Variants in PIK3CB observed in about 807,000 individuals in gnomAD.
The protein encoded by PIK3CB is phosphatidylinositol-4,5-bisphosphate 3-kinase catalytic subunit beta.
Under a neutral mutation model 136.8 loss-of-function variants are expected in PIK3CB, and 39 were observed. The ratio of observed to expected loss-of-function variants is 0.29; its 90% CI spans 0.22 to 0.37. The LOEUF (loss-of-function observed/expected upper bound fraction) is 0.37. Ranked by LOEUF, PIK3CB falls within the 10% of genes least tolerant of loss-of-function variation. The pLI is 1.00. For missense variants in PIK3CB, 868 were observed against 1,275.4 expected (o/e 0.68, Z 4.87); for synonymous variants, 428 against 436.6 (o/e 0.98, Z 0.25).
chr3:138,718,261 G>A (rs1398156492), intron 8 of PIK3CB, among the ~76,000 whole-genome samples: 1 of 152,100 alleles, frequency 6.6e-6, no homozygotes, highest in African/African-American at 2.4e-5. Flanking sequence ...GTTTTGATTT[G>A]CATTTCTCTA....
In PIK3CB at chr3:138,653,274, G is replaced by C. The variant is rs2043145481; in HGVS notation, c.*2115C>G. 5.6e-6 allele frequency: 1 copy of C among 177,234 alleles called. No homozygotes were observed. Among genetic ancestry groups the C allele is most frequent in the South Asian group, 2.0e-4 (1 of 5,034 alleles). 11.0% of individuals were successfully genotyped at this position (177,234 alleles called of 1,614,324 possible). ...TGAGGCATTGTGAGTAAAGAGCACAGATAATTAAAATAGGCTTCTTACTTT... is the reference window on the plus strand; with the variant it reads ...TGAGGCATTGTGAGTAAAGAGCACACATAATTAAAATAGGCTTCTTACTTT... On this transcript the variant is annotated 3_prime_UTR_variant, in exon 24 of 24. Transcript: ENST00000674063.
chr3:138,716,931 A>G (rs2044621222), intron 8 of PIK3CB, among the ~76,000 whole-genome samples: 1 of 142,196 alleles, frequency 7.0e-6, no homozygotes, highest in East Asian at 2.0e-4. Context: ...AAGCATGTTC[A>G]CCTTGTAAAC....
At chr3:138,733,235 T>C in intron 8 of PIK3CB, 126 bp downstream of exon 8, 1 of 444,492 alleles carries the variant, frequency 2.2e-6, no homozygotes. Context: ...TAAATTACCA[T>C]ATTCTATATC....
intron 1 of PIK3CB, chr3:138,825,074 G>A: frequency 4.1e-6 from 1 of 246,260 alleles, no homozygotes; most frequent in Admixed American, 4.0e-5. Context: ...AAAGATTTGA[G>A]AAGGCAGCTA....
rs530503070 is a variant in PIK3CB, at chr3:138,804,886, G to T, written c.-121-8319C>A. On this transcript the variant is annotated intron_variant, in intron 1 of 23. Transcript: ENST00000674063. ...AAAAATACAAAAAAATTAGCTGGGC[G>T]TGGTGGTGGGTGCCTGTAGTCCCAG... 5.9e-5 allele frequency among the ~76,000 whole-genome samples: 9 copies of T among 152,184 alleles called. No homozygotes were observed. In the South Asian group the frequency reaches 6.2e-4, roughly 11 times the overall value.
At chr3:138,818,267 C>T (rs1047172594) in intron 1 of PIK3CB, among the ~76,000 whole-genome samples, 1 of 152,130 alleles carries the variant, frequency 6.6e-6, no homozygotes, top group African/African-American at 2.4e-5. Context: ...CATCTCCATC[C>T]TGGAATTCTC....
intron 2 of PIK3CB, among the ~76,000 whole-genome samples, chr3:138,793,729 AAAG>A (rs528565507): frequency 1.0e-3 from 154 of 151,412 alleles, no homozygotes; most frequent in African/African-American, 3.6e-3. Context: ...AGATGAGATT[AAAG>A]AAGTTGACCA....
intron 2 of PIK3CB, chr3:138,778,224 C>A: frequency 2.2e-6 from 1 of 452,238 alleles, no homozygotes; most frequent in East Asian, 6.7e-5. Context: ...TTGTAATGGG[C>A]ATGAACCATG....
At chr3:138,678,433 AC>A (rs1423953729) in intron 19 of PIK3CB, among the ~76,000 whole-genome samples, 1 of 152,084 alleles carries the variant, frequency 6.6e-6, no homozygotes, top group East Asian at 1.9e-4. Context: ...AAAATTTAAA[AC>A]CCCTATCAAT....
At chr3:138,701,307 C>T (rs1052246260) in intron 12 of PIK3CB, among the ~76,000 whole-genome samples, 15 of 151,476 alleles carry the variant, frequency 9.9e-5, no homozygotes, top group Admixed American at 7.2e-4. Flanking sequence ...TGAAATGCAG[C>T]AAGTAACCAG....
intron 8 of PIK3CB, among the ~76,000 whole-genome samples, chr3:138,719,235 ATTTTTTTTTTTTTTTTTT>A (rs34980826): frequency 1.4e-5 from 1 of 69,558 alleles, no homozygotes; most frequent in Non-Finnish European, 2.5e-5. Context: ...TTAGCTCAGT[ATTTTTTTTTTTTTTTTTT>A]TTTTTTTTTT....
intron 4 of PIK3CB, among the ~76,000 whole-genome samples, chr3:138,746,779 C>T (rs926084505): frequency 3.3e-5 from 5 of 151,484 alleles, no homozygotes; most frequent in Admixed American, 2.0e-4. Flanking sequence ...ATTGCTTTGT[C>T]ACATAACTTT....
intron 5 of PIK3CB, among the ~76,000 whole-genome samples, chr3:138,738,796 T>G (rs1576373337): frequency 1.3e-5 from 2 of 152,166 alleles, no homozygotes; most frequent in South Asian, 4.1e-4. Flanking sequence ...AGCAACCAAC[T>G]GCTACTCTGA....
intron 19 of PIK3CB, among the ~76,000 whole-genome samples, chr3:138,665,615 C>T (rs1439419757): frequency 6.6e-6 from 1 of 152,206 alleles, no homozygotes. Context: ...AGGGAAACTC[C>T]GTCCTTCTGG....
chr3:138,729,023 G>A (rs1336467528), intron 8 of PIK3CB, among the ~76,000 whole-genome samples: 2 of 152,120 alleles, frequency 1.3e-5, no homozygotes, highest in Non-Finnish European at 2.9e-5. Flanking sequence ...GCTCACATCT[G>A]TAATCCCAGC....
intron 16 of PIK3CB, 61 bp from the exon 17 acceptor site, chr3:138,684,864 G>A (rs2043851133): frequency 8.2e-7 from 1 of 1,218,476 alleles, no homozygotes; most frequent in Non-Finnish European, 1.2e-6. Context: ...AATATCATGT[G>A]ATCATATCAA....
chr3:138,790,113 A>C (rs1194394333), intron 2 of PIK3CB, among the ~76,000 whole-genome samples: 2 of 152,222 alleles, frequency 1.3e-5, no homozygotes, highest in African/African-American at 2.4e-5. Context: ...CCAATTATAC[A>C]AGGCATCTGA....
intron 1 of PIK3CB, among the ~76,000 whole-genome samples, chr3:138,807,569 C>T (rs1447030137): frequency 1.3e-5 from 2 of 151,966 alleles, no homozygotes; most frequent in African/African-American, 4.8e-5. Context: ...ATCCACATAA[C>T]GGAATGTTGT....
intron 21 of PIK3CB, 106 bp from the exon 22 acceptor site, chr3:138,657,941 T>C: frequency 1.0e-6 from 1 of 998,194 alleles, no homozygotes; most frequent in African/African-American, 1.6e-5. Flanking sequence ...CCCATCCACA[T>C]CTGAGCCCTT....
Sources: allele counts gnomAD v4.1 joint callset (sites outside exome capture counted in the v4.1 genomes callset), GRCh38; gene constraint gnomAD v4.1.1; transcripts MANE v1.5; gene names NCBI Gene and HGNC (gene_info 2026-07-23, HGNC 2026-07-21).